The following CDH23 variants were observed in gnomAD, a reference collection of about 807,000 sequenced individuals.
CDH23 encodes cadherin related 23, also known as cadherin-23.
A neutral mutation model predicts 317.1 loss-of-function variants in CDH23; 189 were observed. That is an observed-to-expected ratio of 0.60 (90% CI 0.53 to 0.67). CDH23 has a LOEUF of 0.67. Ranked by LOEUF, CDH23 falls within the 30% of genes least tolerant of loss-of-function variation. The pLI is 0.00. For missense variants in CDH23, 4,401 were observed against 4,592.4 expected (o/e 0.96, Z 1.20); for synonymous variants, 1,839 against 1,876.8 (o/e 0.98, Z 0.52).
chr10:71,697,149 T>C (rs1865421495), intron 22 of CDH23, among the ~76,000 whole-genome samples: 2 of 152,280 alleles, frequency 1.3e-5, no homozygotes, highest in Admixed American at 1.3e-4. Context: ...AAGGCGTGGG[T>C]GTGCCAGGTG....
intron 38 of CDH23, among the ~76,000 whole-genome samples, chr10:71,775,384 T>C (rs573222559): frequency 6.8e-6 from 1 of 147,380 alleles, no homozygotes; most frequent in Non-Finnish European, 1.5e-5. Flanking sequence ...AGGGGAGCAA[T>C]TGCCCTGCCA....
intron 3 of CDH23, among the ~76,000 whole-genome samples, chr10:71,454,345 C>T (rs1021609726): frequency 7.9e-5 from 12 of 152,178 alleles, no homozygotes; most frequent in Non-Finnish European, 1.6e-4. Context: ...AATTTAAACT[C>T]GCTCGCTTGC....
intron 11 of CDH23, among the ~76,000 whole-genome samples, chr10:71,637,356 GCCT>G (rs1480190359): frequency 1.3e-5 from 2 of 152,018 alleles, no homozygotes; most frequent in Non-Finnish European, 2.9e-5. Flanking sequence ...TCCCAGGGAT[GCCT>G]CCTCTCCTAC....
At chr10:71,498,820 C>T (rs1168615330) in intron 3 of CDH23, among the ~76,000 whole-genome samples, 3 of 152,124 alleles carry the variant, frequency 2.0e-5, no homozygotes, top group East Asian at 1.9e-4. Flanking sequence ...AGAGGAGCTC[C>T]GGGTTTCTAA....
At chr10:71,418,483 G>A (rs1195192568) in intron 1 of CDH23, among the ~76,000 whole-genome samples, 2 of 152,080 alleles carry the variant, frequency 1.3e-5, no homozygotes, top group East Asian at 3.9e-4. Context: ...CTGGGATCTG[G>A]GATCCTCAAG....
At chr10:71,732,536 G>T (rs1447443317) in intron 32 of CDH23, 161 bp downstream of exon 32, 14 of 1,317,232 alleles carry the variant, frequency 1.1e-5, no homozygotes, top group Non-Finnish European at 1.4e-5. Context: ...AGAGGCTGGG[G>T]CAGGAAGATT....
intron 11 of CDH23, among the ~76,000 whole-genome samples, chr10:71,628,389 A>G (rs1011267192): frequency 7.9e-5 from 12 of 152,224 alleles, no homozygotes; most frequent in African/African-American, 2.7e-4. Flanking sequence ...AAAGTGTCAC[A>G]GTTGTGCTCT....
intron 60 of CDH23, 91 bp downstream of exon 60, chr10:71,808,098 G>C: frequency 2.0e-6 from 3 of 1,476,498 alleles, no homozygotes; most frequent in Admixed American, 4.0e-5. Context: ...GTCTGTGGGA[G>C]CACCACAGGA....
At chr10:71,507,743 G>T (rs957757151) in intron 3 of CDH23, among the ~76,000 whole-genome samples, 1 of 152,194 alleles carries the variant, frequency 6.6e-6, no homozygotes, top group Non-Finnish European at 1.5e-5. Flanking sequence ...ATGTCTTCCT[G>T]TTCGTTTTAG....
chr10:71,712,977 C>T (rs1246665382), intron 28 of CDH23, 164 bp downstream of exon 28: 3 of 848,342 alleles, frequency 3.5e-6, no homozygotes, highest in Non-Finnish European at 5.8e-6. Flanking sequence ...GACCCAGGCC[C>T]TCTCCCATCC....
At chr10:71,398,026 G>A (rs561603264) in intron 1 of CDH23, among the ~76,000 whole-genome samples, 79 of 152,314 alleles carry the variant, frequency 5.2e-4, no homozygotes, top group Non-Finnish European at 9.6e-4. Context: ...CGGGAGCACT[G>A]CCCCTCATCT....
intron 9 of CDH23, among the ~76,000 whole-genome samples, chr10:71,597,452 C>T (rs1483139183): frequency 1.3e-5 from 2 of 152,110 alleles, no homozygotes; most frequent in Non-Finnish European, 1.5e-5. Flanking sequence ...CATTACTTCT[C>T]CCTCCCCACT....
chr10:71,735,320 G>T (rs184601830), intron 34 of CDH23, among the ~76,000 whole-genome samples: 2 of 152,182 alleles, frequency 1.3e-5, no homozygotes, highest in East Asian at 3.9e-4. Context: ...AGAAGACCAT[G>T]TGCTGGGCCC....
intron 1 of CDH23, among the ~76,000 whole-genome samples, chr10:71,427,232 A>AGAAAGAAAGAAT (rs1849136228): frequency 2.3e-5 from 2 of 85,194 alleles, no homozygotes; most frequent in Non-Finnish European, 5.1e-5. Context: ...AAAGAAAGAA[A>AGAAAGAAAGAAT]GAAAGAAAGA....
chr10:71,523,158 A>T (rs1399965493), intron 6 of CDH23, among the ~76,000 whole-genome samples: 1 of 152,072 alleles, frequency 6.6e-6, no homozygotes, highest in African/African-American at 2.4e-5. Context: ...ATCCAAGATG[A>T]CCTTTATTGT....
At chr10:71,763,813 AG>A (rs1840459697) in intron 38 of CDH23, among the ~76,000 whole-genome samples, 1 of 152,204 alleles carries the variant, frequency 6.6e-6, no homozygotes, top group African/African-American at 2.4e-5. Context: ...AGTGCCTCCT[AG>A]GAGTGAGAAG....
chr10:71,628,906 C>T (rs1256910511), intron 11 of CDH23, among the ~76,000 whole-genome samples: 2 of 152,204 alleles, frequency 1.3e-5, no homozygotes, highest in Admixed American at 1.3e-4. Context: ...CATCAACACA[C>T]GGATGATATC....
chr10:71,539,492 G>GT (rs1237198607), intron 6 of CDH23, among the ~76,000 whole-genome samples: 1 of 151,740 alleles, frequency 6.6e-6, no homozygotes, highest in Non-Finnish European at 1.5e-5. Flanking sequence ...TTGTGGCTTT[G>GT]TTTGTTAGAC....
In CDH23 at chr10:71,734,236, G is replaced by A. The variant is rs376447805; in HGVS notation, c.4105-4G>A. 4.4e-6 allele frequency: 7 copies of A among 1,605,580 alleles called. No individual in the cohort carries two copies. The highest frequency in any genetic ancestry group is 6.0e-6 in the Non-Finnish European group (7 of 1,176,208). On this transcript the variant is annotated splice_region_variant and splice_polypyrimidine_tract_variant and intron_variant, in intron 32 of 69. Transcript: ENST00000224721. ...CACTCACCCATCTGGCCCCTTCCCT[G>A]CAGGGTGTGATCACAGTCCAGGGCC...
Sources: gnomAD v4.1 joint callset for allele counts (sites outside exome capture counted in the v4.1 genomes callset) on GRCh38, gnomAD v4.1.1 for gene constraint, MANE v1.5 for transcripts, NCBI Gene and HGNC (gene_info 2026-07-23, HGNC 2026-07-21) for gene names.